Variants in CSMD3 observed in about 807,000 individuals in gnomAD.
CSMD3 encodes the protein CUB and sushi domain-containing protein 3.
CSMD3 carries 177 observed loss-of-function variants against 435.2 expected under a neutral mutation model. That is an observed-to-expected ratio of 0.41 (90% CI 0.36 to 0.46). The LOEUF (loss-of-function observed/expected upper bound fraction) is 0.46, where lower values mean the gene tolerates loss of function less well. CSMD3 is among the 20% of genes least tolerant of loss of function. The probability of loss-of-function intolerance (pLI) is 0.34; values close to 1 mark genes in which losing one functional copy is unlikely to be tolerated. For missense variants in CSMD3, 4,265 were observed against 4,504.6 expected, an observed-to-expected ratio of 0.95 and a Z score of 1.52; for synonymous variants, 1,656 against 1,520.5, an observed-to-expected ratio of 1.09 and a Z score of -2.07.
At chr8:113,276,256 C>T (rs1040859879) in intron 3 of CSMD3, among the ~76,000 whole-genome samples, 2 of 152,052 alleles carry the variant, frequency 1.3e-5, no homozygotes, top group Admixed American at 6.6e-5. Flanking sequence ...CTTTATGATG[C>T]GGAGATTAGC....
chr8:113,025,599 C>T (rs2086847243), intron 5 of CSMD3, among the ~76,000 whole-genome samples: 2 of 152,090 alleles, frequency 1.3e-5, no homozygotes, highest in Non-Finnish European at 2.9e-5. Flanking sequence ...GCAGTGGGAC[C>T]ACCACAAGGC....
intron 11 of CSMD3, among the ~76,000 whole-genome samples, chr8:112,844,095 A>C (rs2080253222): frequency 6.6e-6 from 1 of 151,902 alleles, no homozygotes; most frequent in South Asian, 2.1e-4. Context: ...AATATTAACT[A>C]TTCATACAAT....
At chr8:113,139,282 A>G (rs1294488891) in intron 4 of CSMD3, among the ~76,000 whole-genome samples, 2 of 150,382 alleles carry the variant, frequency 1.3e-5, no homozygotes, top group Non-Finnish European at 3.0e-5. Context: ...ATTAATAAAT[A>G]TAAGAGATTT....
At chr8:113,233,212 T>G (rs1358858531) in intron 3 of CSMD3, among the ~76,000 whole-genome samples, 2 of 151,644 alleles carry the variant, frequency 1.3e-5, no homozygotes, top group East Asian at 1.9e-4. Context: ...TGAACTTATA[T>G]GCAATTAATA....
intron 35 of CSMD3, among the ~76,000 whole-genome samples, chr8:112,392,173 T>A (rs1401356224): frequency 6.6e-6 from 1 of 152,132 alleles, no homozygotes; most frequent in Non-Finnish European, 1.5e-5. Flanking sequence ...AATTGTACTG[T>A]GCTCCTGGGG....
intron 32 of CSMD3, among the ~76,000 whole-genome samples, chr8:112,435,650 T>A (rs1814244585): frequency 1.3e-5 from 2 of 152,014 alleles, no homozygotes; most frequent in Non-Finnish European, 2.9e-5. Flanking sequence ...TGGTAAGTAA[T>A]CATTTTTCAC....
At chr8:112,477,697 C>T (rs1819201210) in intron 31 of CSMD3, among the ~76,000 whole-genome samples, 1 of 152,144 alleles carries the variant, frequency 6.6e-6, no homozygotes, top group African/African-American at 2.4e-5. Context: ...CTGAGGCCCT[C>T]ACCAGAAGCA....
At chr8:113,329,239 T>G (rs978048934) in intron 1 of CSMD3, among the ~76,000 whole-genome samples, 4 of 39,090 alleles carry the variant, frequency 1.0e-4, no homozygotes, top group Non-Finnish European at 6.1e-5. Flanking sequence ...AAATAAGGAA[T>G]TAACTGAAAA....
At chr8:112,762,942 A>G (rs1170317304) in intron 13 of CSMD3, among the ~76,000 whole-genome samples, 1 of 151,746 alleles carries the variant, frequency 6.6e-6, no homozygotes, top group African/African-American at 2.4e-5. Flanking sequence ...CAAAGGATGC[A>G]AAGTTTTAGT....
At chr8:112,365,106 C>A (rs1229403659) in intron 38 of CSMD3, among the ~76,000 whole-genome samples, 1 of 144,528 alleles carries the variant, frequency 6.9e-6, no homozygotes, top group Admixed American at 6.9e-5. Flanking sequence ...TTAAACTTCT[C>A]TCTAATGAAT....
At chr8:113,153,335 T>A in intron 4 of CSMD3, among the ~76,000 whole-genome samples, 1 of 151,984 alleles carries the variant, frequency 6.6e-6, no homozygotes, top group East Asian at 1.9e-4. Context: ...GGTTGGAATC[T>A]CATCTATTAT....
chr8:113,001,023 T>C (rs2085842901), intron 6 of CSMD3, among the ~76,000 whole-genome samples: 1 of 152,034 alleles, frequency 6.6e-6, no homozygotes, highest in African/African-American at 2.4e-5. Context: ...TAATTTCTTC[T>C]TTTTTGGTCA....
chr8:113,121,815 A>G (rs2090994311), intron 4 of CSMD3, among the ~76,000 whole-genome samples: 1 of 152,152 alleles, frequency 6.6e-6, no homozygotes, highest in Non-Finnish European at 1.5e-5. Flanking sequence ...TCTCAAAAGA[A>G]TTATAACTAA....
At chr8:113,242,126 A>T (rs1015303071) in intron 3 of CSMD3, among the ~76,000 whole-genome samples, 1 of 151,842 alleles carries the variant, frequency 6.6e-6, no homozygotes, top group Non-Finnish European at 1.5e-5. Context: ...AAATTTAATA[A>T]GGAACAATTA....
At chr8:112,912,987 T>C (rs1421275205) in intron 10 of CSMD3, among the ~76,000 whole-genome samples, 1 of 151,922 alleles carries the variant, frequency 6.6e-6, no homozygotes, top group Non-Finnish European at 1.5e-5. Flanking sequence ...TTCTAAAACA[T>C]AATGGTCCCT....
At chr8:112,940,837 T>C (rs535985302) in intron 9 of CSMD3, among the ~76,000 whole-genome samples, 2 of 152,008 alleles carry the variant, frequency 1.3e-5, no homozygotes, top group East Asian at 3.9e-4. Flanking sequence ...CATTTACTAA[T>C]ACGATGAATT....
At chr8:113,427,949 G>T (rs16884651) in intron 1 of CSMD3, among the ~76,000 whole-genome samples, 38,039 of 151,390 alleles carry the variant, frequency 0.25, 5,545 homozygotes, top group East Asian at 0.46. Context: ...TTACTCAAGA[G>T]CCTCCATTAG....
chr8:113,005,060 T>C (rs1319344799), intron 6 of CSMD3, among the ~76,000 whole-genome samples: 1 of 151,854 alleles, frequency 6.6e-6, no homozygotes, highest in Non-Finnish European at 1.5e-5. Context: ...TCTGTATATA[T>C]ACACACATAT....
intron 13 of CSMD3, among the ~76,000 whole-genome samples, chr8:112,706,703 G>T (rs935916839): frequency 6.6e-6 from 1 of 151,988 alleles, no homozygotes; most frequent in African/African-American, 2.4e-5. Flanking sequence ...AAGGGCCTTT[G>T]ATTTTATTAT....
Sources: gnomAD v4.1 joint callset for allele counts (sites outside exome capture counted in the v4.1 genomes callset) on GRCh38, gnomAD v4.1.1 for gene constraint, MANE v1.5 for transcripts, NCBI Gene and HGNC (gene_info 2026-07-23, HGNC 2026-07-21) for gene names.